The following CDKL4 variants were observed in gnomAD, a reference collection of about 807,000 sequenced individuals.
The protein encoded by CDKL4 is cyclin-dependent kinase-like 4.
CDKL4 carries 44 observed loss-of-function variants against 42.0 expected under a neutral mutation model. The ratio of observed to expected loss-of-function variants is 1.05; its 90% CI spans 0.82 to 1.35. CDKL4 has a LOEUF of 1.35. Ranked by LOEUF, CDKL4 falls within the 40% of genes most tolerant of loss-of-function variation. CDKL4 has a pLI of 0.00. For synonymous variants in CDKL4, 120 were observed against 121.6 expected (o/e 0.99, Z 0.09); for missense variants, 393 against 369.9 (o/e 1.06, Z -0.51).
At chr2:39,216,989 G>A (rs146243390) in intron 3 of CDKL4, among the ~76,000 whole-genome samples, 2 of 152,118 alleles carry the variant, frequency 1.3e-5, no homozygotes, top group Admixed American at 6.5e-5. Context: ...ACCACTGATC[G>A]TGCAAAGAGA....
At chr2:39,246,026 T>TTTA (rs1358800718), upstream of CDKL4, among the ~76,000 whole-genome samples, 2 of 152,206 alleles carry the variant, frequency 1.3e-5, no homozygotes, top group Non-Finnish European at 2.9e-5. Flanking sequence ...GCTTACCCAT[T>TTTA]TTATTCCCAG....
At chr2:39,181,830 G>A (rs1284664802) in intron 8 of CDKL4, among the ~76,000 whole-genome samples, 1 of 151,998 alleles carries the variant, frequency 6.6e-6, no homozygotes, top group East Asian at 1.9e-4. Context: ...CTTGCCAAGA[G>A]TTTTCAGAGA....
upstream of CDKL4, among the ~76,000 whole-genome samples, chr2:39,244,296 G>A (rs551466164): frequency 8.5e-5 from 13 of 152,366 alleles, no homozygotes; most frequent in South Asian, 2.7e-3. Flanking sequence ...AGCGGGAACC[G>A]GGGCTGCGCA....
intron 1 of CDKL4, among the ~76,000 whole-genome samples, chr2:39,237,878 A>G (rs921670002): frequency 1.3e-5 from 2 of 152,374 alleles, no homozygotes; most frequent in African/African-American, 4.8e-5. Flanking sequence ...TACAAGATCA[A>G]TATGCAAAAT....
At chr2:39,174,167 G>T (rs1675077133), downstream of CDKL4, among the ~76,000 whole-genome samples, 2 of 152,086 alleles carry the variant, frequency 1.3e-5, no homozygotes, top group South Asian at 4.1e-4. Flanking sequence ...CACTTTGGGA[G>T]GCCGAGGTGG....
chr2:39,180,089 AAC>A (rs1182823228), intron 8 of CDKL4, among the ~76,000 whole-genome samples: 1 of 152,138 alleles, frequency 6.6e-6, no homozygotes, highest in Non-Finnish European at 1.5e-5. Context: ...CCCATCAATA[AAC>A]ACAGATTATG....
chr2:39,207,258 G>T (rs1335256366), intron 4 of CDKL4, among the ~76,000 whole-genome samples: 1 of 152,096 alleles, frequency 6.6e-6, no homozygotes, highest in African/African-American at 2.4e-5. Flanking sequence ...TGTGGCGTGT[G>T]CCTTTAGTCC....
the CDKL4 span, among the ~76,000 whole-genome samples, chr2:39,169,942 C>T: frequency 6.6e-6 from 1 of 152,140 alleles, no homozygotes; most frequent in East Asian, 1.9e-4. Flanking sequence ...ACAATTATGG[C>T]TCACTTCAGC....
At chr2:39,171,879 G>C (rs1227824515), downstream of CDKL4, among the ~76,000 whole-genome samples, 1 of 152,164 alleles carries the variant, frequency 6.6e-6, no homozygotes, top group Non-Finnish European at 1.5e-5. Flanking sequence ...ATAAACAAAA[G>C]GCTTGAAAGT....
chr2:39,225,158 T>C (rs1678620021), intron 3 of CDKL4, among the ~76,000 whole-genome samples: 1 of 152,058 alleles, frequency 6.6e-6, no homozygotes, highest in African/African-American at 2.4e-5. Flanking sequence ...TGCCAACACT[T>C]TGGGAGGCCG....
intron 3 of CDKL4, among the ~76,000 whole-genome samples, chr2:39,221,312 T>G (rs2708227): frequency 0.97 from 147,866 of 152,230 alleles, 71,829 homozygotes; most frequent in East Asian, 0.99. Flanking sequence ...ACTGCGCCCG[T>G]CCACATTGAT....
intron 1 of CDKL4, among the ~76,000 whole-genome samples, chr2:39,231,989 TACA>T (rs1679113223): frequency 6.6e-6 from 1 of 152,246 alleles, no homozygotes; most frequent in South Asian, 2.1e-4. Flanking sequence ...TGATAAGTAC[TACA>T]GTCATTGGGG....
chr2:39,226,430 T>C (rs1678719289), intron 2 of CDKL4, among the ~76,000 whole-genome samples: 1 of 141,812 alleles, frequency 7.1e-6, no homozygotes, highest in South Asian at 2.1e-4. Context: ...TTTATATTTA[T>C]ATAAATTATA....
chr2:39,231,451 T>C (rs1015201211), intron 1 of CDKL4, among the ~76,000 whole-genome samples: 2 of 152,304 alleles, frequency 1.3e-5, no homozygotes, highest in South Asian at 2.1e-4. Flanking sequence ...CATAAAAATA[T>C]ACAATGGAGA....
At chr2:39,180,477 G>A (rs1000865804) in intron 8 of CDKL4, among the ~76,000 whole-genome samples, 2 of 152,076 alleles carry the variant, frequency 1.3e-5, no homozygotes, top group African/African-American at 2.4e-5. Context: ...GTGTCACCTG[G>A]CCCTTGGCGA....
intron 5 of CDKL4, among the ~76,000 whole-genome samples, chr2:39,193,453 G>A (rs915348345): frequency 2.1e-4 from 32 of 151,404 alleles, no homozygotes; most frequent in African/African-American, 6.3e-4. Flanking sequence ...TCGGCTCACC[G>A]CAACCTCCAC....
At chr2:39,190,916 T>A (rs1215717448) in intron 5 of CDKL4, among the ~76,000 whole-genome samples, 4 of 152,170 alleles carry the variant, frequency 2.6e-5, no homozygotes, top group African/African-American at 9.7e-5. Flanking sequence ...TATTTGGAAA[T>A]AAGGTTTTTG....
At chr2:39,182,347 T>C (rs994857345) in intron 8 of CDKL4, among the ~76,000 whole-genome samples, 1 of 152,160 alleles carries the variant, frequency 6.6e-6, no homozygotes, top group African/African-American at 2.4e-5. Context: ...CATCACTAAA[T>C]ACCTATGAAT....
intron 1 of CDKL4, among the ~76,000 whole-genome samples, chr2:39,238,498 T>C (rs977198881): frequency 6.6e-6 from 1 of 152,154 alleles, no homozygotes; most frequent in Admixed American, 6.5e-5. Flanking sequence ...CAGGCTTTAT[T>C]TGGACAGAAA....
Sources: allele counts gnomAD v4.1 joint callset (sites outside exome capture counted in the v4.1 genomes callset), GRCh38; gene constraint gnomAD v4.1.1; transcripts MANE v1.5; gene names NCBI Gene and HGNC (gene_info 2026-07-23, HGNC 2026-07-21).